Variants in TCN2 observed in about 807,000 individuals in gnomAD.
TCN2 encodes transcobalamin 2, also known as transcobalamin-2.
Under a neutral mutation model 48.6 loss-of-function variants are expected in TCN2, and 34 were observed. That is an observed-to-expected ratio of 0.70 (90% CI 0.53 to 0.93). The LOEUF is 0.93. TCN2 is among the 40% of genes least tolerant of loss of function. The pLI is 0.00. For missense variants in TCN2, 652 were observed against 526.1 expected (o/e 1.24, Z -2.34); for synonymous variants, 283 against 212.5 (o/e 1.33, Z -2.89).
rs2087819324 is a variant in TCN2 at position 30,626,892 on chromosome 22, C to G, written c.*371C>G. On this transcript the variant is annotated 3_prime_UTR_variant, in exon 9 of 9. Coordinates refer to ENST00000215838, the MANE Select transcript of TCN2 (RefSeq NM_000355.4). ...CACTCGTTCTGTGGTTGGGGTCCTG[C>G]AAGAAGGCCTCCTCAGCCCGGGGGC... is the stretch of plus-strand genomic sequence containing the variant. The G allele has an allele frequency of 2.7e-6, 1 of 365,986 alleles. No individual in the cohort carries two copies. The highest frequency in any genetic ancestry group is 2.6e-5 in the South Asian group (1 of 39,156). The allele number at this position is 365,986 out of a possible 1,614,324, so 22.7% of individuals were successfully genotyped here.
At position 30,613,085 on chromosome 22, in the gene TCN2, G is replaced by A. The variant is rs774555913; in HGVS notation, c.427+43G>A. On this transcript the variant is annotated intron_variant, in intron 3 of 8. Coordinates refer to ENST00000215838, the MANE Select transcript of TCN2 (RefSeq NM_000355.4). ...GCTGGGGGTGGGGAGCAGCTGGGAG[G>A]GCTCATCAGATGATATTCTCCAATG... The A allele has an allele frequency of 8.7e-6, 14 of 1,607,720 alleles. No individual in the cohort carries two copies. In the South Asian group the frequency reaches 1.4e-4, roughly 17 times the overall value.
chr22:30,623,889 CATAT>C (rs371403737), intron 8 of TCN2, among the ~76,000 whole-genome samples: 2 of 32,964 alleles, frequency 6.1e-5, no homozygotes, highest in Admixed American at 6.6e-4. Flanking sequence ...TATATACACA[CATAT>C]ATATGTATAC....
chr22:30,624,834 A>G (rs2087780038), intron 8 of TCN2, among the ~76,000 whole-genome samples: 1 of 152,174 alleles, frequency 6.6e-6, no homozygotes, highest in African/African-American at 2.4e-5. Context: ...TGGGGTGGAA[A>G]GTGGATGGGA....
intron 8 of TCN2, among the ~76,000 whole-genome samples, chr22:30,623,943 CACACATATGTAT>C (rs2087756444): frequency 1.9e-5 from 2 of 105,942 alleles, no homozygotes; most frequent in South Asian, 2.6e-4. Flanking sequence ...TATATACACA[CACACATATGTAT>C]ACATATATAC....
chr22:30,626,550 C>A lies in TCN2; in HGVS notation c.*29C>A, dbSNP rs190828416. 2,289 of 1,612,740 alleles carry A rather than the reference C, an allele frequency of 1.4e-3. 51 individuals carry two copies. The Admixed American group carries it at 0.036, about 25-fold the overall frequency. ...CTGAGCTCCCTCATCCCAGCAGCCT[C>A]GCACACTCCCTAGGCTTCTACCCTC... On this transcript the variant is annotated 3_prime_UTR_variant, in exon 9 of 9. Coordinates refer to ENST00000215838, the MANE Select transcript of TCN2 (RefSeq NM_000355.4).
intron 2 of TCN2, among the ~76,000 whole-genome samples, chr22:30,612,525 G>A (rs1289811760): frequency 6.6e-6 from 1 of 152,084 alleles, no homozygotes; most frequent in Non-Finnish European, 1.5e-5. Context: ...ACTCCAGCCT[G>A]GGCAACAAGA....
At chr22:30,615,172 C>A in intron 4 of TCN2, 129 bp from the exon 5 acceptor site, 2 of 939,396 alleles carry the variant, frequency 2.1e-6, no homozygotes, top group Non-Finnish European at 3.4e-6. Context: ...GCTGATCTGA[C>A]CATGTTGCCC....
rs1390394192 is a variant in TCN2 at position 30,611,122 on chromosome 22, G to A, written c.257+59G>A. 4 of 1,611,280 alleles carry A rather than the reference G, an allele frequency of 2.5e-6. No homozygotes were observed. The Admixed American group carries it at 5.0e-5, about 20-fold the overall frequency. On this transcript the variant is annotated intron_variant, in intron 2 of 8. Coordinates refer to ENST00000215838, the MANE Select transcript of TCN2 (RefSeq NM_000355.4). Reference sequence around the variant, plus strand: ...CCACATACTAAGAGATGGGAAACTTGGGTACTAGTTTGGGCCTGTCACCAC... The same window carrying A: ...CCACATACTAAGAGATGGGAAACTTAGGTACTAGTTTGGGCCTGTCACCAC...
At chr22:30,611,167 C>T (rs2087535085) in intron 2 of TCN2, 104 bp downstream of exon 2, 1 of 1,395,240 alleles carries the variant, frequency 7.2e-7, no homozygotes, top group African/African-American at 1.4e-5. Flanking sequence ...AGACCTTAGG[C>T]AAATTTTCTC....
chr22:30,609,926 T>C (rs572751324), intron 1 of TCN2, among the ~76,000 whole-genome samples: 1 of 152,242 alleles, frequency 6.6e-6, no homozygotes. Context: ...GGAGCTCTGG[T>C]CCTCGTTCTG....
chr22:30,625,586 C>T (rs1233561246), intron 8 of TCN2, among the ~76,000 whole-genome samples: 2 of 152,100 alleles, frequency 1.3e-5, no homozygotes, highest in Admixed American at 6.6e-5. Context: ...CCTCAGCCTC[C>T]TGAGTACGTG....
chr22:30,610,184 CTG>C (rs941390961), intron 1 of TCN2: 15 of 469,980 alleles, frequency 3.2e-5, no homozygotes, highest in Non-Finnish European at 5.7e-5. Flanking sequence ...CAAGCTGTGA[CTG>C]TTTTCTAAGA....
chr22:30,626,814 C>A lies in TCN2; in HGVS notation c.*293C>A. The A allele has an allele frequency of 1.9e-6, 1 of 535,078 alleles. No individual in the cohort carries two copies. The allele number at this position is 535,078 out of a possible 1,614,324, so 33.1% of individuals were successfully genotyped here. ...CCATGGTCTGATGGGCATGAAGCAT[C>A]TCAGACTCCTTGGCAAAAAACGGAG... On this transcript the variant is annotated 3_prime_UTR_variant, in exon 9 of 9. Coordinates refer to ENST00000215838, the MANE Select transcript of TCN2 (RefSeq NM_000355.4).
rs2087721895 is a variant in TCN2 at position 30,623,062 on chromosome 22, C to T, written c.1201C>T (p.Pro401Ser). 3 of 1,613,954 alleles carry T rather than the reference C, an allele frequency of 1.9e-6. No individual in the cohort carries two copies. Among genetic ancestry groups the T allele is most frequent in the South Asian group, 1.1e-5 (1 of 91,060 alleles). Residue 401 changes from proline to serine, a missense_variant, in exon 8 of 9, where the codon CCC (proline) becomes TCC (serine). Transcript: ENST00000215838. ...GGAGTTCTGGCAGCTTCTCCGAGAC[C>T]CCAACACCCCACTGTTGCAAGGTGA... ...EREFWQLLRD[P>S]NTPLLQGIAD...
At position 30,610,965 on chromosome 22, in the gene TCN2, C is replaced by A; in HGVS notation, c.159C>A (p.Ser53Arg). The A allele has an allele frequency of 4.3e-6, 7 of 1,614,218 alleles. No homozygotes were observed. Among genetic ancestry groups the A allele is most frequent in the Non-Finnish European group, 5.9e-6 (7 of 1,180,040 alleles). ...TTTCCCTGGAGCACTTGAACCCCAG[C>A]ATCTATGTGGGCCTACGCCTCTCCA... ...DRLSLEHLNP[S>R]IYVGLRLSSL... is the part of the protein sequence containing the mutation. The change falls in exon 2 of 9, where the codon AGC (serine) becomes AGA (arginine). Residue 53 changes from serine to arginine, a missense_variant. Physicochemically the swap from Ser to Arg is moderately radical, Grantham distance 110. Transcript: ENST00000215838.
chr22:30,614,303 C>T, intron 3 of TCN2, 46 bp from the exon 4 acceptor site: 2 of 1,599,654 alleles, frequency 1.3e-6, no homozygotes, highest in Non-Finnish European at 1.7e-6. Flanking sequence ...GGGCTGGCTG[C>T]TGGGTGGGGG....
rs182168666 is a variant in TCN2, at chr22:30,620,863, C to T, written c.1107-2105C>T. On this transcript the variant is annotated intron_variant, in intron 7 of 8. Coordinates refer to ENST00000215838, the MANE Select transcript of TCN2 (RefSeq NM_000355.4). ...AAGCTCAACTGCAGACACAGATAGA[C>T]AGATGTGGAGAGAGGTAGCCCTGTG... Among the ~76,000 whole-genome samples the T allele has an allele frequency of 1.2e-3, 187 of 152,268 alleles. 1 individual carries two copies. Among genetic ancestry groups the T allele is most frequent in the African/African-American group, 4.1e-3 (169 of 41,544 alleles).
intron 1 of TCN2, among the ~76,000 whole-genome samples, chr22:30,608,064 C>T (rs1441436344): frequency 6.6e-6 from 1 of 152,164 alleles, no homozygotes; most frequent in East Asian, 1.9e-4. Context: ...TCTTGGAGCA[C>T]AGTCTCCTGG....
Position 30,623,009 on chromosome 22 carries a change from C to T in TCN2, c.1148C>T (p.Ser383Phe). The stretch of plus-strand genomic sequence containing the variant: ...TCCTTGTCAGGCCCCTACTTAACCT[C>T]CGTGATGGGGAAAGCGGCCGGAGAA... ...QASLSGPYLT[S>F]VMGKAAGERE... is the part of the protein sequence containing the mutation. The change falls in exon 8 of 9, where the codon TCC becomes TTC. Residue 383 changes from serine (S) to phenylalanine (F), a missense_variant. Ser to Phe is a radical substitution (Grantham distance 155). Transcript: ENST00000215838. The T allele has an allele frequency of 2.5e-6, 4 of 1,614,140 alleles. No homozygotes were observed. Among genetic ancestry groups the T allele is most frequent in the Non-Finnish European group, 3.4e-6 (4 of 1,180,022 alleles).
Sources: allele counts gnomAD v4.1 joint callset (sites outside exome capture counted in the v4.1 genomes callset), GRCh38; gene constraint gnomAD v4.1.1; transcripts MANE v1.5; gene names NCBI Gene and HGNC (gene_info 2026-07-23, HGNC 2026-07-21).